Variants in ASCC3 observed in about 807,000 individuals in gnomAD.
The protein encoded by ASCC3 is ASC-1 complex subunit P200.
Under a neutral mutation model 256.3 loss-of-function variants are expected in ASCC3, and 158 were observed. The observed-to-expected ratio is 0.62, with a 90% CI of 0.54 to 0.70. The LOEUF is 0.70. Among genes scored for constraint, ASCC3 ranks in the 30% least tolerant of loss-of-function variants. The pLI is 0.00. For synonymous variants in ASCC3, 948 were observed against 883.4 expected, an observed-to-expected ratio of 1.07 and a Z score of -1.30; for missense variants, 2,259 against 2,626.0, an observed-to-expected ratio of 0.86 and a Z score of 3.05.
At chr6:100,737,096 G>A (rs140773188) in intron 10 of ASCC3, among the ~76,000 whole-genome samples, 2,056 of 150,632 alleles carry the variant, frequency 0.014, 21 homozygotes, top group East Asian at 0.046. Context: ...GCAGTGAGCC[G>A]AGATTGCACC....
intron 39 of ASCC3, among the ~76,000 whole-genome samples, chr6:100,514,868 C>T (rs756844697): frequency 6.6e-6 from 1 of 152,106 alleles, no homozygotes; most frequent in Non-Finnish European, 1.5e-5. Flanking sequence ...CTGCAATTAG[C>T]ACTTAAATTG....
In ASCC3 at chr6:100,512,690, TGGA is replaced by T; in HGVS notation, c.6285+16_6285+18del. ...GTATTTGGTGTGAAATATTTGAGAA[TGGA>T]AACCAAACACTATACCTTGTGGAAC... On this transcript the variant is annotated intron_variant, in intron 40 of 41. Coordinates refer to ENST00000369162, the MANE Select transcript of ASCC3 (RefSeq NM_006828.4). The T allele has an allele frequency of 6.2e-7, 1 of 1,612,458 alleles. No individual in the cohort carries two copies. The highest frequency in any genetic ancestry group is 8.5e-7 in the Non-Finnish European group (1 of 1,178,520).
Position 100,509,203 on chromosome 6 carries a change from T to C in ASCC3, c.*183A>G. 1 of 718,370 alleles carries C rather than the reference T, an allele frequency of 1.4e-6. No homozygotes were observed. The highest frequency in any genetic ancestry group is 2.4e-6 in the Non-Finnish European group (1 of 420,680). The allele number at this position is 718,370 out of a possible 1,614,324, so 44.5% of individuals were successfully genotyped here. On this transcript the variant is annotated 3_prime_UTR_variant, in exon 42 of 42. Transcript: ENST00000369162. ...TAACATTATAAAAGGCAACATTTGT[T>C]AAAAGGCCACTGTGGTTAACTTTAT...
chr6:100,526,339 G>A (rs1453960560), intron 37 of ASCC3, among the ~76,000 whole-genome samples: 2 of 152,146 alleles, frequency 1.3e-5, no homozygotes, highest in African/African-American at 4.8e-5. Context: ...ATTTCCTACA[G>A]CCCCAACCGG....
chr6:100,599,377 G>A (rs558605341), intron 34 of ASCC3, among the ~76,000 whole-genome samples: 88 of 152,250 alleles, frequency 5.8e-4, no homozygotes, highest in Non-Finnish European at 1.1e-3. Context: ...AAATGTCAAG[G>A]TTATGACAGA....
At chr6:100,801,754 G>C (rs1769927656) in intron 5 of ASCC3, among the ~76,000 whole-genome samples, 1 of 151,122 alleles carries the variant, frequency 6.6e-6, no homozygotes, top group East Asian at 1.9e-4. Context: ...TATAATAACA[G>C]AATTTATAAT....
At chr6:100,564,023 GC>G (rs1406100496) in intron 36 of ASCC3, among the ~76,000 whole-genome samples, 4 of 151,714 alleles carry the variant, frequency 2.6e-5, no homozygotes, top group Non-Finnish European at 4.4e-5. Context: ...CCTGTTTGAC[GC>G]CAAAGCCCAT....
At chr6:100,813,398 A>G (rs112398403) in intron 4 of ASCC3, among the ~76,000 whole-genome samples, 38 of 152,068 alleles carry the variant, frequency 2.5e-4, no homozygotes, top group African/African-American at 8.9e-4. Flanking sequence ...CAGAGGTTGC[A>G]GTGAGCTGAG....
chr6:100,521,742 T>G (rs890477874), intron 37 of ASCC3, among the ~76,000 whole-genome samples: 4 of 152,216 alleles, frequency 2.6e-5, no homozygotes, highest in African/African-American at 9.6e-5. Flanking sequence ...CAAGCCCAAG[T>G]GACTGTTCAG....
chr6:100,858,829 C>G, intron 3 of ASCC3: 1 of 599,752 alleles, frequency 1.7e-6, no homozygotes, highest in Non-Finnish European at 2.5e-6. Flanking sequence ...AGCCCATATT[C>G]AGATTTCTCC....
chr6:100,699,233 A>G (rs1314404685), intron 13 of ASCC3, among the ~76,000 whole-genome samples: 1 of 152,160 alleles, frequency 6.6e-6, no homozygotes, highest in African/African-American at 2.4e-5. Context: ...TGGGACTAAC[A>G]CGGTGGGAGG....
At chr6:100,655,905 T>A in intron 16 of ASCC3, 87 bp from the exon 17 acceptor site, 1 of 1,449,062 alleles carries the variant, frequency 6.9e-7, no homozygotes, top group South Asian at 1.1e-5. Context: ...AGGTGAAGTT[T>A]TAAAAATACA....
chr6:100,585,608 T>C (rs1771611567), intron 36 of ASCC3, among the ~76,000 whole-genome samples: 1 of 152,250 alleles, frequency 6.6e-6, no homozygotes. Context: ...TCCAGCTTTG[T>C]TCCGTTGCTG....
intron 14 of ASCC3, among the ~76,000 whole-genome samples, chr6:100,678,842 G>T (rs1280156767): frequency 6.6e-6 from 1 of 152,060 alleles, no homozygotes; most frequent in Non-Finnish European, 1.5e-5. Context: ...AAAGAAACTG[G>T]TATGTTTATG....
At chr6:100,584,196 CT>C (rs1771497446) in intron 36 of ASCC3, among the ~76,000 whole-genome samples, 1 of 151,096 alleles carries the variant, frequency 6.6e-6, no homozygotes, top group Non-Finnish European at 1.5e-5. Flanking sequence ...GTGTTAAAGT[CT>C]CCCATTATTA....
At chr6:100,725,754 C>T (rs750997983) in intron 10 of ASCC3, 51 bp from the exon 11 acceptor site, 1 of 1,594,878 alleles carries the variant, frequency 6.3e-7, no homozygotes, top group East Asian at 2.2e-5. Flanking sequence ...GGTTATTTAA[C>T]ATTGAACTGT....
chr6:100,779,502 C>A (rs1782348905), intron 8 of ASCC3, among the ~76,000 whole-genome samples: 2 of 152,146 alleles, frequency 1.3e-5, no homozygotes, highest in African/African-American at 4.8e-5. Flanking sequence ...ATCATGGAGT[C>A]CCCTTTTCAT....
At chr6:100,761,977 A>G (rs1034080241) in intron 10 of ASCC3, among the ~76,000 whole-genome samples, 5 of 152,218 alleles carry the variant, frequency 3.3e-5, no homozygotes, top group African/African-American at 9.6e-5. Context: ...TCCCCTTGAA[A>G]GAAGAGTAGA....
chr6:100,813,620 T>C (rs943478431), intron 4 of ASCC3, among the ~76,000 whole-genome samples: 1 of 152,016 alleles, frequency 6.6e-6, no homozygotes, highest in Non-Finnish European at 1.5e-5. Context: ...ATACAGGGCG[T>C]CTGTGTTTGT....
Sources: gnomAD v4.1 joint callset for allele counts (sites outside exome capture counted in the v4.1 genomes callset) on GRCh38, gnomAD v4.1.1 for gene constraint, MANE v1.5 for transcripts, NCBI Gene and HGNC (gene_info 2026-07-23, HGNC 2026-07-21) for gene names.